IQUB: variants seen among roughly 807,000 people sequenced by gnomAD.
IQUB encodes IQ motif and ubiquitin-like domain-containing protein.
In IQUB, 86 loss-of-function variants were observed where a neutral mutation model predicts 86.4. That is an observed-to-expected ratio of 1.00 (90% CI 0.84 to 1.19). The LOEUF (loss-of-function observed/expected upper bound fraction) is 1.19, where lower values mean the gene tolerates loss of function less well. Ranked by LOEUF, IQUB falls within the 50% of genes most tolerant of loss-of-function variation. IQUB has a pLI of 0.00. For missense variants in IQUB, 946 were observed against 916.9 expected, an observed-to-expected ratio of 1.03 and a Z score of -0.41; for synonymous variants, 289 against 304.5, an observed-to-expected ratio of 0.95 and a Z score of 0.53.
At chr7:123,480,790 A>C (rs1272772407) in intron 7 of IQUB, among the ~76,000 whole-genome samples, 1 of 152,134 alleles carries the variant, frequency 6.6e-6, no homozygotes, top group Non-Finnish European at 1.5e-5. Context: ...TATAGTCACA[A>C]ATGTTATAAA....
intron 9 of IQUB, among the ~76,000 whole-genome samples, chr7:123,468,551 A>AAGTGAGAGTG (rs66565876): frequency 1.9e-4 from 1 of 5,180 alleles, no homozygotes; most frequent in South Asian, 3.3e-3. Context: ...TACGTGGTCA[A>AAGTGAGAGTG]AATTGTCCTG....
rs541451085 is a variant in IQUB, at chr7:123,532,757, T to C, written c.-5+1735A>G. On this transcript the variant is annotated intron_variant, in intron 1 of 12. Coordinates refer to ENST00000324698, the MANE Select transcript of IQUB (RefSeq NM_178827.5). Reference sequence around the variant, plus strand: ...CTTCTCCGCGGCGATGGCGCGTCCTTGGGCTCAGCAACCCTCCTGAAGACA... The same window carrying C: ...CTTCTCCGCGGCGATGGCGCGTCCTCGGGCTCAGCAACCCTCCTGAAGACA... 89 of 152,224 alleles carry C rather than the reference T, an allele frequency of 5.8e-4. 1 individual carries two copies. The highest frequency in any genetic ancestry group is 2.0e-3 in the African/African-American group (84 of 41,550). The allele number at this position is 152,224 out of a possible 1,614,324, so 9.4% of individuals were successfully genotyped here.
chr7:123,469,457 A>G (rs1003237563), intron 8 of IQUB, 73 bp from the exon 9 acceptor site: 2 of 792,506 alleles, frequency 2.5e-6, no homozygotes, highest in African/African-American at 3.5e-5. Flanking sequence ...TCCTTCTACT[A>G]AAAGTCTACC....
At chr7:123,509,466 A>G (rs905027996) in intron 3 of IQUB, among the ~76,000 whole-genome samples, 2 of 151,994 alleles carry the variant, frequency 1.3e-5, no homozygotes, top group African/African-American at 4.8e-5. Context: ...GCCACTCAAC[A>G]CTTCTTACCA....
intron 6 of IQUB, among the ~76,000 whole-genome samples, chr7:123,497,407 T>A (rs1287957311): frequency 6.6e-6 from 1 of 152,168 alleles, no homozygotes; most frequent in Non-Finnish European, 1.5e-5. Context: ...ATAACAAAAC[T>A]GTGTTTTCCT....
rs140696128 is a variant in IQUB at position 123,478,909 on chromosome 7, T to C, written c.1410+886A>G. Reference sequence around the variant, plus strand: ...TCCAAAGAGCAGTGACAGTAGGCCATTGGATATATGATGTAGAAGCTCCTT... The same window carrying C: ...TCCAAAGAGCAGTGACAGTAGGCCACTGGATATATGATGTAGAAGCTCCTT... On this transcript the variant is annotated intron_variant, in intron 8 of 12. Coordinates refer to ENST00000324698, the MANE Select transcript of IQUB (RefSeq NM_178827.5). 1.4e-3 allele frequency among the ~76,000 whole-genome samples: 219 copies of C among 152,164 alleles called. 1 individual carries two copies. Among genetic ancestry groups the C allele is most frequent in the Middle Eastern group, 6.8e-3 (2 of 294 alleles).
intron 3 of IQUB, among the ~76,000 whole-genome samples, chr7:123,506,063 C>T (rs756164568): frequency 1.3e-5 from 2 of 152,176 alleles, no homozygotes; most frequent in South Asian, 4.1e-4. Flanking sequence ...TTCCACAGAT[C>T]CCTAGAGCAA....
intron 3 of IQUB, 152 bp downstream of exon 3, chr7:123,509,749 C>T (rs1260016262): frequency 1.5e-6 from 1 of 659,878 alleles, no homozygotes; most frequent in Non-Finnish European, 2.6e-6. Flanking sequence ...AAAGTATGTC[C>T]TTACTAAATA....
intron 12 of IQUB, among the ~76,000 whole-genome samples, chr7:123,453,445 TTATA>T (rs1246524576): frequency 6.7e-6 from 1 of 149,232 alleles, no homozygotes; most frequent in South Asian, 2.1e-4. Context: ...CCTTATATAA[TTATA>T]TATATATAAT....
rs765471285 is a variant in IQUB, at chr7:123,469,225, G to A, written c.1570C>T (p.His524Tyr). Residue 524 changes from histidine to tyrosine, a missense_variant, in exon 9 of 13, where the codon CAC becomes TAC. By Grantham distance (83) the His-to-Tyr change is moderately conservative. Transcript: ENST00000324698. ...ERLDVLLTLK[H>Y]TVKEHECKLT... ...GAAAGTTAACATACCTTTACAGTGT[G>A]TTTAAGAGTTAACAGCACATCCAGC... 1 of 1,588,272 alleles carries A rather than the reference G, an allele frequency of 6.3e-7. No homozygotes were observed. Among genetic ancestry groups the A allele is most frequent in the Non-Finnish European group, 8.6e-7 (1 of 1,168,942 alleles).
chr7:123,487,038 G>A (rs1795239335), intron 7 of IQUB, among the ~76,000 whole-genome samples: 2 of 152,164 alleles, frequency 1.3e-5, no homozygotes, highest in Non-Finnish European at 2.9e-5. Context: ...GAGGTGACTG[G>A]ATCATGAGGG....
At chr7:123,454,963 G>GAGTT (rs1793621824) in intron 12 of IQUB, among the ~76,000 whole-genome samples, 2 of 152,078 alleles carry the variant, frequency 1.3e-5, no homozygotes, top group African/African-American at 2.4e-5. Flanking sequence ...CTTTGGAAAG[G>GAGTT]AGTTATTATG....
At chr7:123,506,443 T>C (rs1024068100) in intron 3 of IQUB, among the ~76,000 whole-genome samples, 2 of 152,220 alleles carry the variant, frequency 1.3e-5, no homozygotes, top group Non-Finnish European at 2.9e-5. Context: ...AGAGATTTAA[T>C]TGGCTCACAA....
chr7:123,490,182 G>C lies in IQUB; in HGVS notation c.1234+6514C>G, dbSNP rs117124516. 5.2e-3 allele frequency among the ~76,000 whole-genome samples: 783 copies of C among 151,834 alleles called. 4 individuals are homozygous for C. The highest frequency in any genetic ancestry group is 8.2e-3 in the Non-Finnish European group (555 of 67,904). On this transcript the variant is annotated intron_variant, in intron 7 of 12. Transcript: ENST00000324698. Reference sequence around the variant, plus strand: ...ATTTTGAATATAAAGACACAAAGAAGTTAAAAATTACAAAATATAAAAAGA... The same window carrying C: ...ATTTTGAATATAAAGACACAAAGAACTTAAAAATTACAAAATATAAAAAGA...
In IQUB at chr7:123,452,567, CAA is replaced by C. The variant is rs1374248929; in HGVS notation, c.*174_*175del. 26 of 398,372 alleles carry C rather than the reference CAA, an allele frequency of 6.5e-5. No homozygotes were observed. The highest frequency in any genetic ancestry group is 1.8e-4 in the Admixed American group (4 of 22,568). The allele number at this position is 398,372 out of a possible 1,614,324, so 24.7% of individuals were successfully genotyped here. ...TTTCAATTTAGCACCAACTTCCTAA[CAA>C]AGAATACTTACTTATATAGAAATGT... On this transcript the variant is annotated 3_prime_UTR_variant, in exon 13 of 13. Coordinates refer to ENST00000324698, the MANE Select transcript of IQUB (RefSeq NM_178827.5).
chr7:123,467,334 C>T (rs900320297), intron 9 of IQUB, among the ~76,000 whole-genome samples: 47 of 151,964 alleles, frequency 3.1e-4, no homozygotes, highest in African/African-American at 8.5e-4. Flanking sequence ...AGACTCTCAG[C>T]GGCAGGTTGT....
At chr7:123,476,793 G>A (rs1794764365) in intron 8 of IQUB, among the ~76,000 whole-genome samples, 1 of 151,642 alleles carries the variant, frequency 6.6e-6, no homozygotes, top group Non-Finnish European at 1.5e-5. Context: ...GGACACCAGG[G>A]CAGAGCTTTT....
At chr7:123,487,411 C>G (rs1039563537) in intron 7 of IQUB, among the ~76,000 whole-genome samples, 1 of 152,180 alleles carries the variant, frequency 6.6e-6, no homozygotes, top group Non-Finnish European at 1.5e-5. Flanking sequence ...GGTAAGAACT[C>G]ACACTCCTTA....
chr7:123,481,421 C>G (rs1464384836), intron 7 of IQUB, among the ~76,000 whole-genome samples: 1 of 152,036 alleles, frequency 6.6e-6, no homozygotes, highest in African/African-American at 2.4e-5. Flanking sequence ...GCTACCTCCC[C>G]TCTCCTATGT....
Sources: allele counts gnomAD v4.1 joint callset (sites outside exome capture counted in the v4.1 genomes callset), GRCh38; gene constraint gnomAD v4.1.1; transcripts MANE v1.5; gene names NCBI Gene and HGNC (gene_info 2026-07-23, HGNC 2026-07-21).